Variants in VPS45 observed in about 807,000 individuals in gnomAD.
VPS45 encodes vacuolar protein sorting 45 homolog, also known as vacuolar protein sorting-associated protein 45.
Under a neutral mutation model 75.9 loss-of-function variants are expected in VPS45, and 35 were observed. The observed-to-expected ratio is 0.46, with a 90% CI of 0.35 to 0.61. The LOEUF (loss-of-function observed/expected upper bound fraction) is 0.61, where lower values mean the gene tolerates loss of function less well. Ranked by LOEUF, VPS45 falls within the 20% of genes least tolerant of loss-of-function variation. The pLI, the probability that VPS45 is intolerant of heterozygous loss-of-function variation, is 0.00. For missense variants in VPS45, 559 were observed against 685.9 expected (o/e 0.81, Z 2.07); for synonymous variants, 220 against 238.2 (o/e 0.92, Z 0.70).
intron 13 of VPS45, among the ~76,000 whole-genome samples, chr1:150,108,756 C>T (rs74127443): frequency 0.022 from 3,287 of 152,270 alleles, 99 homozygotes; most frequent in African/African-American, 0.074. Context: ...ATAAGGAACA[C>T]ACAACCTAGA....
chr1:150,095,568 T>G (rs1471972570), intron 13 of VPS45, among the ~76,000 whole-genome samples: 2 of 151,464 alleles, frequency 1.3e-5, no homozygotes, highest in African/African-American at 4.9e-5. Flanking sequence ...GAGCTGAAAT[T>G]TGCACCGTTG....
intron 2 of VPS45, 148 bp downstream of exon 2, chr1:150,068,912 T>A: frequency 2.3e-6 from 2 of 883,078 alleles, no homozygotes; most frequent in Non-Finnish European, 3.2e-6. Flanking sequence ...TTCATTTTTC[T>A]TGTTTTGTTT....
intron 14 of VPS45, 114 bp downstream of exon 14, chr1:150,110,741 A>G (rs1657606237): frequency 2.8e-6 from 3 of 1,064,646 alleles, no homozygotes; most frequent in Admixed American, 3.3e-5. Context: ...GTAGACTGAA[A>G]TTCTCTGGTG....
chr1:150,089,613 C>T (rs1229643735), intron 10 of VPS45, among the ~76,000 whole-genome samples: 1 of 152,122 alleles, frequency 6.6e-6, no homozygotes, highest in African/African-American at 2.4e-5. Flanking sequence ...CCACCTACCT[C>T]GACCTCACAA....
At chr1:150,090,634 C>A (rs587604298) in intron 10 of VPS45, among the ~76,000 whole-genome samples, 1 of 152,284 alleles carries the variant, frequency 6.6e-6, no homozygotes, top group Non-Finnish European at 1.5e-5. Flanking sequence ...TCTCCACCGG[C>A]ATTTGCACCT....
chr1:150,068,598 G>C, intron 1 of VPS45, 32 bp from the exon 2 acceptor site: 2 of 1,484,652 alleles, frequency 1.3e-6, no homozygotes, highest in Non-Finnish European at 1.8e-6. Context: ...TTCTAGACTA[G>C]CATACTTTTA....
At chr1:150,089,670 G>T (rs782221731) in intron 10 of VPS45, among the ~76,000 whole-genome samples, 2 of 152,086 alleles carry the variant, frequency 1.3e-5, no homozygotes, top group Non-Finnish European at 2.9e-5. Flanking sequence ...CCCCCAACAG[G>T]ATTTCTTAAT....
At chr1:150,112,923 G>T (rs1315653301) in intron 14 of VPS45, among the ~76,000 whole-genome samples, 1 of 152,192 alleles carries the variant, frequency 6.6e-6, no homozygotes, top group Non-Finnish European at 1.5e-5. Context: ...AGGTATAGGG[G>T]TGGGGTGTGG....
chr1:150,077,353 G>C (rs374975804), intron 6 of VPS45, 122 bp downstream of exon 6: 1 of 1,239,414 alleles, frequency 8.1e-7, no homozygotes, highest in East Asian at 2.4e-5. Context: ...AGGTTTCCGC[G>C]AAAAGAGGTA....
rs782593273 is a variant in VPS45, at chr1:150,144,843, C to T, written c.*47C>T. 1 of 1,612,624 alleles carries T rather than the reference C, an allele frequency of 6.2e-7. No homozygotes were observed. The highest frequency in any genetic ancestry group is 1.1e-5 in the South Asian group (1 of 90,802). On this transcript the variant is annotated 3_prime_UTR_variant, in exon 15 of 15. Transcript: ENST00000644510. The stretch of plus-strand genomic sequence containing the variant: ...ACAGCTTCCTCTCTTGTCCCCACTA[C>T]AGGTTTTCCCTACTAAACAAAGGTG...
chr1:150,093,481 G>T, intron 12 of VPS45, 46 bp from the exon 13 acceptor site: 1 of 1,595,892 alleles, frequency 6.3e-7, no homozygotes. Flanking sequence ...TTCTTGTGTT[G>T]CCAATTTCCC....
Position 150,067,933 on chromosome 1 carries a change from C to A in VPS45, c.76C>A (p.Leu26Ile). The A allele has an allele frequency of 2.5e-6, 4 of 1,614,196 alleles. No homozygotes were observed. Among genetic ancestry groups the A allele is most frequent in the Non-Finnish European group, 3.4e-6 (4 of 1,180,002 alleles). ...EDSGPGMKVLLMDKETTGIVS... is the reference protein window; with the variant it reads ...EDSGPGMKVLIMDKETTGIVS... ...CAGCGGGCCTGGTATGAAAGTACTT[C>A]TCATGGATAAAGAGACGGTGAGTTT... is the stretch of plus-strand genomic sequence containing the variant. The change falls in exon 1 of 15, where the codon CTC (leucine) becomes ATC (isoleucine). Residue 26 changes from leucine (L) to isoleucine (I), a missense_variant. Physicochemically the swap from Leu to Ile is conservative, Grantham distance 5 (BLOSUM62 2). Transcript: ENST00000644510.
chr1:150,114,099 T>C (rs1553807751), intron 14 of VPS45, among the ~76,000 whole-genome samples: 1 of 152,198 alleles, frequency 6.6e-6, no homozygotes, highest in Non-Finnish European at 1.5e-5. Flanking sequence ...TGTTTATCTA[T>C]ATTTACTCAC....
intron 12 of VPS45, among the ~76,000 whole-genome samples, chr1:150,093,094 C>T (rs2101569115): frequency 6.6e-6 from 1 of 152,158 alleles, no homozygotes; most frequent in African/African-American, 2.4e-5. Context: ...GATCTGCCCG[C>T]CTCGGCCTCC....
At chr1:150,129,821 G>A (rs970094855) in intron 14 of VPS45, among the ~76,000 whole-genome samples, 1 of 149,036 alleles carries the variant, frequency 6.7e-6, no homozygotes, top group African/African-American at 2.5e-5. Flanking sequence ...CCAAAGTCCT[G>A]GGATTACAGG....
Position 150,093,531 on chromosome 1 carries a change from T to C in VPS45, c.1376T>C (p.Val459Ala). ...TKQFLKGLKGVENVYTQHQPF... is the reference protein window; with the variant it reads ...TKQFLKGLKGAENVYTQHQPF... The stretch of plus-strand genomic sequence containing the variant: ...AACCATTTTCCCCTGTTTTAGGGAG[T>C]AGAAAATGTATATACACAGCATCAA... The change falls in exon 13 of 15, where the codon GTA becomes GCA. Residue 459 changes from valine (V) to alanine (A), a missense_variant. Physicochemically the swap from Val to Ala is moderately conservative, Grantham distance 64. Transcript: ENST00000644510. 3 of 1,611,970 alleles carry C rather than the reference T, an allele frequency of 1.9e-6. No individual in the cohort carries two copies. The highest frequency in any genetic ancestry group is 2.5e-6 in the Non-Finnish European group (3 of 1,179,174).
intron 10 of VPS45, among the ~76,000 whole-genome samples, chr1:150,084,096 T>C (rs1187956797): frequency 6.6e-6 from 1 of 152,146 alleles, no homozygotes; most frequent in Non-Finnish European, 1.5e-5. Context: ...GGGAAGGAGT[T>C]CAGCCAGGAG....
chr1:150,082,893 A>G lies in VPS45; in HGVS notation c.1104+10A>G, dbSNP rs1259869305. ...TTCTAGTGCTCTCCAGGTCAGTCCAATTTGATGAGCACCTACTATGTGTAA... is the reference window on the plus strand; with the variant it reads ...TTCTAGTGCTCTCCAGGTCAGTCCAGTTTGATGAGCACCTACTATGTGTAA... On this transcript the variant is annotated intron_variant, in intron 10 of 14. Transcript: ENST00000644510. 1.5e-5 allele frequency: 24 copies of G among 1,611,482 alleles called. No homozygotes were observed. The highest frequency in any genetic ancestry group is 1.9e-5 in the Non-Finnish European group (22 of 1,178,660).
chr1:150,092,394 C>T lies in VPS45; in HGVS notation c.1356C>T (p.Phe452=). The T allele has an allele frequency of 6.2e-7, 1 of 1,614,040 alleles. No homozygotes were observed. The highest frequency in any genetic ancestry group is 8.5e-7 in the Non-Finnish European group (1 of 1,179,970). The change falls in exon 12 of 15, where the codon TTC becomes TTT. Residue 452 remains phenylalanine (F), a synonymous_variant. Transcript: ENST00000644510. The part of the protein sequence containing the change: ...PKDAVAITKQ[F]LKGLKGVENV... ...ATGCTGTGGCTATCACCAAACAATT[C>T]CTCAAAGGACTGAAGGTATAGACAT...
Sources: gnomAD v4.1 joint callset for allele counts (sites outside exome capture counted in the v4.1 genomes callset) on GRCh38, gnomAD v4.1.1 for gene constraint, MANE v1.5 for transcripts, NCBI Gene and HGNC (gene_info 2026-07-23, HGNC 2026-07-21) for gene names.